The following UGP2 variants were observed in gnomAD, a reference collection of about 807,000 sequenced individuals.
UGP2 encodes the protein UDP-glucose pyrophosphorylase 2.
A neutral mutation model predicts 49.0 loss-of-function variants in UGP2; 40 were observed. That is an observed-to-expected ratio of 0.82 (90% CI 0.63 to 1.06). The LOEUF (loss-of-function observed/expected upper bound fraction) is 1.06, where lower values mean the gene tolerates loss of function less well. Ranked by LOEUF, UGP2 falls within the 50% of genes least tolerant of loss-of-function variation. The pLI is 0.00. For missense variants in UGP2, 460 were observed against 603.5 expected, an observed-to-expected ratio of 0.76 and a Z score of 2.49; for synonymous variants, 225 against 213.0, an observed-to-expected ratio of 1.06 and a Z score of -0.49.
chr2:63,865,522 G>A (rs1447957575), intron 3 of UGP2, among the ~76,000 whole-genome samples: 1 of 146,446 alleles, frequency 6.8e-6, no homozygotes, highest in African/African-American at 2.5e-5. Context: ...TTCTCAGAAT[G>A]CTTGGGTCTA....
intron 1 of UGP2, chr2:63,855,910 A>C (rs1669382048): frequency 4.6e-6 from 1 of 219,014 alleles, no homozygotes; most frequent in South Asian, 5.3e-5. Context: ...CTTTAGTGAG[A>C]TCCATCTGTC....
chr2:63,855,388 G>T, intron 1 of UGP2: 1 of 479,806 alleles, frequency 2.1e-6, no homozygotes. Context: ...GAAGGGGAAG[G>T]GTGGACAAAT....
At chr2:63,857,982 A>C (rs1272956687) in intron 3 of UGP2, 46 bp downstream of exon 3, 1 of 1,553,170 alleles carries the variant, frequency 6.4e-7, no homozygotes, top group Non-Finnish European at 8.9e-7. Context: ...AATCTTGGGC[A>C]CTGGTTTTAA....
intron 3 of UGP2, among the ~76,000 whole-genome samples, chr2:63,866,258 A>C (rs1030593956): frequency 1.3e-5 from 2 of 152,254 alleles, no homozygotes; most frequent in African/African-American, 4.8e-5. Context: ...GGGTCAACAG[A>C]TTCGTGCTAT....
intron 8 of UGP2, chr2:63,889,814 C>CT (rs1671956922): frequency 7.7e-6 from 2 of 261,252 alleles, no homozygotes; most frequent in African/African-American, 2.3e-5. Context: ...TGTTGATTAT[C>CT]TTTAAAAAAA....
intron 3 of UGP2, among the ~76,000 whole-genome samples, chr2:63,863,220 C>T (rs1243102570): frequency 2.0e-5 from 3 of 152,126 alleles, no homozygotes; most frequent in Admixed American, 2.0e-4. Flanking sequence ...CTTTGAACTT[C>T]TTAAAATTTC....
intron 3 of UGP2, among the ~76,000 whole-genome samples, chr2:63,879,432 G>C (rs760792782): frequency 6.6e-6 from 1 of 152,090 alleles, no homozygotes; most frequent in Non-Finnish European, 1.5e-5. Flanking sequence ...TTCACTCCAA[G>C]TTACATCTAG....
chr2:63,844,989 A>T (rs1305589596), intron 1 of UGP2, among the ~76,000 whole-genome samples: 1 of 152,212 alleles, frequency 6.6e-6, no homozygotes, highest in Admixed American at 6.5e-5. Context: ...TTGGGCAAAG[A>T]TAATATTATA....
chr2:63,875,835 A>G (rs1670873790), intron 3 of UGP2, among the ~76,000 whole-genome samples: 1 of 152,150 alleles, frequency 6.6e-6, no homozygotes, highest in African/African-American at 2.4e-5. Flanking sequence ...TAGAACACTG[A>G]ATTTTATTCA....
chr2:63,867,390 A>C (rs1171020633), intron 3 of UGP2, among the ~76,000 whole-genome samples: 2 of 152,234 alleles, frequency 1.3e-5, no homozygotes, highest in South Asian at 2.1e-4. Context: ...CCTTACTCAT[A>C]AAAAGTAGAA....
intron 7 of UGP2, 51 bp from the exon 8 acceptor site, chr2:63,887,351 G>T (rs781547803): frequency 1.2e-6 from 2 of 1,605,554 alleles, no homozygotes; most frequent in East Asian, 2.2e-5. Flanking sequence ...GAACTAAGTT[G>T]TAGGTGCCTA....
chr2:63,881,075 T>A (rs373906190), intron 3 of UGP2, among the ~76,000 whole-genome samples: 1 of 152,212 alleles, frequency 6.6e-6, no homozygotes, highest in South Asian at 2.1e-4. Context: ...TGGAGAAGAG[T>A]GCTTCATGTT....
chr2:63,841,878 T>G, upstream of UGP2: 4 of 320,512 alleles, frequency 1.2e-5, no homozygotes, highest in Non-Finnish European at 1.7e-5. Flanking sequence ...TTTAAGTTCG[T>G]GTGGTTTTAC....
intron 3 of UGP2, among the ~76,000 whole-genome samples, chr2:63,875,734 T>G (rs1309219702): frequency 6.6e-6 from 1 of 152,218 alleles, no homozygotes; most frequent in Non-Finnish European, 1.5e-5. Context: ...TGGCCTGGCC[T>G]CCTCTGGACT....
intron 3 of UGP2, among the ~76,000 whole-genome samples, chr2:63,866,762 G>A (rs6749163): frequency 0.027 from 4,094 of 152,246 alleles, 190 homozygotes; most frequent in African/African-American, 0.094. Context: ...CAAGCTCATT[G>A]TCAATTGGGG....
chr2:63,868,768 C>T (rs1423856069), intron 3 of UGP2, among the ~76,000 whole-genome samples: 2 of 152,016 alleles, frequency 1.3e-5, no homozygotes, highest in African/African-American at 2.4e-5. Flanking sequence ...CACCTGAGGT[C>T]AGGAGTTCGA....
chr2:63,877,245 T>TC (rs1670968862), intron 3 of UGP2, among the ~76,000 whole-genome samples: 1 of 152,238 alleles, frequency 6.6e-6, no homozygotes. Context: ...GAGCAAGATA[T>TC]TTTCCAACTA....
chr2:63,850,378 A>G (rs924254628), intron 1 of UGP2, among the ~76,000 whole-genome samples: 4 of 152,210 alleles, frequency 2.6e-5, no homozygotes, highest in Admixed American at 6.5e-5. Flanking sequence ...AATATATCTC[A>G]GTGTAGTCAT....
At chr2:63,888,759 A>C (rs1282543891) in intron 8 of UGP2, 2 of 152,310 alleles carry the variant, frequency 1.3e-5, no homozygotes, top group Non-Finnish European at 2.9e-5. Flanking sequence ...AACTCCACAC[A>C]GACAGTAGCC....
Sources: gnomAD v4.1 joint callset for allele counts (sites outside exome capture counted in the v4.1 genomes callset) on GRCh38, gnomAD v4.1.1 for gene constraint, MANE v1.5 for transcripts, NCBI Gene and HGNC (gene_info 2026-07-23, HGNC 2026-07-21) for gene names.